The following PHTF1 variants were observed in gnomAD, a reference collection of about 807,000 sequenced individuals.
PHTF1 encodes the protein protein PHTF1.
In PHTF1, 88 loss-of-function variants were observed where a neutral mutation model predicts 102.4. The ratio of observed to expected loss-of-function variants is 0.86; its 90% CI spans 0.72 to 1.03. The LOEUF (loss-of-function observed/expected upper bound fraction) is 1.03, where lower values mean the gene tolerates loss of function less well. PHTF1 is among the 50% of genes least tolerant of loss of function. The pLI, the probability that PHTF1 is intolerant of heterozygous loss-of-function variation, is 0.00. For synonymous variants in PHTF1, 289 were observed against 305.2 expected (o/e 0.95, Z 0.55); for missense variants, 814 against 909.5 (o/e 0.89, Z 1.35).
intron 7 of PHTF1, among the ~76,000 whole-genome samples, chr1:113,720,852 G>A (rs575522242): frequency 8.5e-5 from 13 of 152,324 alleles, no homozygotes; most frequent in African/African-American, 2.6e-4. Flanking sequence ...ACATCTGCCT[G>A]GACATCCAAG....
At chr1:113,718,382 T>A (rs1282180689) in intron 7 of PHTF1, among the ~76,000 whole-genome samples, 1 of 152,012 alleles carries the variant, frequency 6.6e-6, no homozygotes, top group Non-Finnish European at 1.5e-5. Flanking sequence ...TGGTGTTGAG[T>A]GTCTGAGGCT....
chr1:113,754,065 G>A (rs564259025), intron 3 of PHTF1, among the ~76,000 whole-genome samples: 37 of 152,076 alleles, frequency 2.4e-4, no homozygotes, highest in Non-Finnish European at 5.1e-4. Flanking sequence ...TTTATTAGAA[G>A]GATTCTTTTT....
intron 3 of PHTF1, 25 bp downstream of exon 3, chr1:113,757,674 G>C (rs781471739): frequency 6.6e-7 from 1 of 1,516,256 alleles, no homozygotes; most frequent in Non-Finnish European, 9.2e-7. Context: ...GTGAAACATA[G>C]GCGGAATCAA....
intron 3 of PHTF1, among the ~76,000 whole-genome samples, chr1:113,755,606 C>T (rs533991880): frequency 9.2e-5 from 14 of 152,114 alleles, no homozygotes; most frequent in Non-Finnish European, 1.6e-4. Flanking sequence ...TTAACTATAG[C>T]AACAGACAGA....
At chr1:113,749,019 G>T (rs1453088268) in intron 3 of PHTF1, among the ~76,000 whole-genome samples, 1 of 152,010 alleles carries the variant, frequency 6.6e-6, no homozygotes, top group African/African-American at 2.4e-5. Flanking sequence ...ACCTCACATG[G>T]TTATTATTTG....
intron 7 of PHTF1, among the ~76,000 whole-genome samples, chr1:113,722,417 C>T (rs889363183): frequency 6.6e-6 from 1 of 151,388 alleles, no homozygotes; most frequent in East Asian, 2.0e-4. Context: ...CTAGCTTTGG[C>T]GATAGAGCGA....
chr1:113,706,558 A>AT, intron 12 of PHTF1, 36 bp downstream of exon 12: 1 of 1,546,258 alleles, frequency 6.5e-7, no homozygotes, highest in Non-Finnish European at 8.7e-7. Flanking sequence ...CACTTCGTAT[A>AT]TTTTTTGAAA....
intron 7 of PHTF1, among the ~76,000 whole-genome samples, chr1:113,722,727 A>G (rs1653154882): frequency 6.6e-6 from 1 of 150,590 alleles, no homozygotes; most frequent in Admixed American, 6.6e-5. Flanking sequence ...AGCCTGGCCA[A>G]CATGGTGAAA....
At chr1:113,722,784 G>A (rs1447603057) in intron 7 of PHTF1, among the ~76,000 whole-genome samples, 3 of 150,796 alleles carry the variant, frequency 2.0e-5, no homozygotes, top group Admixed American at 6.6e-5. Context: ...TTAGCCAGGC[G>A]TGGTGGCAGG....
intron 3 of PHTF1, among the ~76,000 whole-genome samples, chr1:113,752,385 A>ATTTTTTTTTTTTTTTTTTTTTTTTTTT (rs774522219): frequency 2.1e-5 from 1 of 47,840 alleles, no homozygotes; most frequent in Non-Finnish European, 3.8e-5. Flanking sequence ...TGTTACTGTA[A>ATTTTTTTTTTTTTTTTTTTTTTTTTTT]TTTTTTTTTT....
intron 7 of PHTF1, among the ~76,000 whole-genome samples, chr1:113,716,342 CTTTTTTT>C (rs1180513920): frequency 1.3e-4 from 16 of 120,956 alleles, no homozygotes; most frequent in East Asian, 4.8e-4. Flanking sequence ...TTATTTTTCC[CTTTTTTT>C]TTTTTTTTTT....
At chr1:113,722,247 C>T (rs770311959) in intron 7 of PHTF1, among the ~76,000 whole-genome samples, 18 of 151,426 alleles carry the variant, frequency 1.2e-4, no homozygotes, top group Non-Finnish European at 1.9e-4. Context: ...GTCAGGAGAT[C>T]GAGACCATGG....
rs565792906 is a variant in PHTF1, at chr1:113,734,800, C to T, written c.331+3310G>A. On this transcript the variant is annotated intron_variant, in intron 5 of 18. Transcript: ENST00000369604. The stretch of plus-strand genomic sequence containing the variant: ...GGGATGAGTGCCCTTATAGATGTGG[C>T]CTTATAAAATGACTCCTAAGAGCTC... Among the ~76,000 whole-genome samples, 3 of 152,190 alleles carry T rather than the reference C, an allele frequency of 2.0e-5. No individual in the cohort carries two copies. In the South Asian group the frequency reaches 6.2e-4, roughly 32 times the overall value.
At position 113,704,938 on chromosome 1, in the gene PHTF1, A is replaced by G; in HGVS notation, c.1672-141T>C. On this transcript the variant is annotated intron_variant, in intron 13 of 18. Coordinates refer to ENST00000369604, the MANE Select transcript of PHTF1 (RefSeq NM_001323043.2). ...AGTGTTCAGTAAGATGGGCAGTGAAAATTTTCATTAATAGCTCGTTACCCT... is the reference window on the plus strand; with the variant it reads ...AGTGTTCAGTAAGATGGGCAGTGAAGATTTTCATTAATAGCTCGTTACCCT... 3 of 618,962 alleles carry G rather than the reference A, an allele frequency of 4.8e-6. No homozygotes were observed. In the South Asian group the frequency reaches 6.4e-5, roughly 13 times the overall value. 38.3% of individuals were successfully genotyped at this position (618,962 alleles called of 1,614,324 possible).
At chr1:113,721,918 C>A (rs909181870) in intron 7 of PHTF1, among the ~76,000 whole-genome samples, 2 of 151,422 alleles carry the variant, frequency 1.3e-5, no homozygotes, top group Non-Finnish European at 2.9e-5. Context: ...ATGGTCTCAA[C>A]CTCCTGACCT....
In PHTF1 at chr1:113,698,753, C is replaced by T. The variant is rs755485150; in HGVS notation, c.2143-366G>A. 3.3e-4 allele frequency: 69 copies of T among 211,222 alleles called. No individual in the cohort carries two copies. In the Middle Eastern group the frequency reaches 8.5e-3, roughly 26 times the overall value. The allele number at this position is 211,222 out of a possible 1,614,324, so 13.1% of individuals were successfully genotyped here. On this transcript the variant is annotated intron_variant, in intron 17 of 18. Coordinates refer to ENST00000369604, the MANE Select transcript of PHTF1 (RefSeq NM_001323043.2). Reference sequence around the variant, plus strand: ...TTTCACAGTAGTTATTAACCCAAAACCATCAGGTCAGCATTTTGAATCTAC... The same window carrying T: ...TTTCACAGTAGTTATTAACCCAAAATCATCAGGTCAGCATTTTGAATCTAC...
intron 5 of PHTF1, among the ~76,000 whole-genome samples, chr1:113,733,018 T>C (rs938539614): frequency 6.6e-6 from 1 of 150,820 alleles, no homozygotes; most frequent in Non-Finnish European, 1.5e-5. Flanking sequence ...CACCTCAGCC[T>C]CATAGGTAGT....
chr1:113,750,795 G>T (rs1271088838), intron 3 of PHTF1, among the ~76,000 whole-genome samples: 1 of 151,044 alleles, frequency 6.6e-6, no homozygotes, highest in Non-Finnish European at 1.5e-5. Context: ...GGCGGAAGTT[G>T]CTGTGAGCAC....
At chr1:113,705,463 A>G (rs1649982000) in intron 13 of PHTF1, among the ~76,000 whole-genome samples, 1 of 152,016 alleles carries the variant, frequency 6.6e-6, no homozygotes, top group South Asian at 2.1e-4. Flanking sequence ...AAAATAAATC[A>G]CACTTCTTCT....
Sources: gnomAD v4.1 joint callset for allele counts (sites outside exome capture counted in the v4.1 genomes callset) on GRCh38, gnomAD v4.1.1 for gene constraint, MANE v1.5 for transcripts, NCBI Gene and HGNC (gene_info 2026-07-23, HGNC 2026-07-21) for gene names.